The following SPIN3 variants were observed in gnomAD, a reference collection of about 807,000 sequenced individuals.
SPIN3 encodes the protein spindlin-3.
For missense variants in SPIN3, 176 were observed against 196.4 expected, an observed-to-expected ratio of 0.90 and a Z score of 0.62; for synonymous variants, 74 against 74.3, an observed-to-expected ratio of 1.00 and a Z score of 0.02.
intron 2 of SPIN3, among the ~76,000 whole-genome samples, chrX:56,985,059 G>C (rs1405381396): frequency 2.7e-5 from 3 of 111,342 alleles, no homozygotes; most frequent in African/African-American, 9.8e-5. Context: ...TTGTGAGAAA[G>C]TTCTACTTAC....
In SPIN3 at chrX:56,994,076, G is replaced by C; in HGVS notation, c.*95C>G. On this transcript the variant is annotated 3_prime_UTR_variant, in exon 2 of 2. Coordinates refer to ENST00000374919, the MANE Select transcript of SPIN3 (RefSeq NM_001010862.3). Reference sequence around the variant, plus strand: ...TTTTGCCAAGCAAAACGTGCAAAAAGGGAGAAGATGGTTCTTACAAACTGG... The same window carrying C: ...TTTTGCCAAGCAAAACGTGCAAAAACGGAGAAGATGGTTCTTACAAACTGG... 2.1e-6 allele frequency: 2 copies of C among 942,785 alleles called. No individual in the cohort carries two copies. Among genetic ancestry groups the C allele is most frequent in the Non-Finnish European group, 2.8e-6 (2 of 706,444 alleles). The allele number at this position is 942,785 out of a possible 1,213,427, so 77.7% of individuals were successfully genotyped here.
intron 3 of SPIN3, among the ~76,000 whole-genome samples, chrX:56,980,967 CT>C (rs375458963): frequency 3.3e-3 from 325 of 99,330 alleles, no homozygotes; most frequent in African/African-American, 6.4e-3. Flanking sequence ...TAGTTAAAAT[CT>C]TTTTTTTTTT....
chrX:56,987,793 TTAAA>T (rs1924252274), downstream of SPIN3, among the ~76,000 whole-genome samples: 1 of 112,073 alleles, frequency 8.9e-6, no homozygotes, highest in South Asian at 3.7e-4. Flanking sequence ...AAAGAATTAT[TTAAA>T]TAATTTCTTT....
chrX:56,980,951 A>T (rs1924104331), intron 3 of SPIN3, among the ~76,000 whole-genome samples: 1 of 111,359 alleles, frequency 9.0e-6, no homozygotes, highest in African/African-American at 3.3e-5. Flanking sequence ...ATAAAAAGAA[A>T]CATATTAGTT....
At chrX:56,975,805 GAA>G (rs1267722972), downstream of SPIN3, 1 of 111,311 alleles carries the variant, frequency 9.0e-6, no homozygotes, top group Non-Finnish European at 1.9e-5. Flanking sequence ...ATTTCCTGTG[GAA>G]TTGTTCCCCC....
At position 56,992,820 on chromosome X, in the gene SPIN3, T is replaced by C. The variant is rs956490854; in HGVS notation, c.*1351A>G. On this transcript the variant is annotated 3_prime_UTR_variant, in exon 2 of 2. Coordinates refer to ENST00000374919, the MANE Select transcript of SPIN3 (RefSeq NM_001010862.3). ...ACCTCCGCCAATGGCTCTTTAATAA[T>C]GGAAAGCTCAAAGGCCCTTCCATTG... 4.2e-6 allele frequency: 1 copy of C among 239,302 alleles called. No homozygotes were observed. Among genetic ancestry groups the C allele is most frequent in the African/African-American group, 2.8e-5 (1 of 35,108 alleles). The allele number at this position is 239,302 out of a possible 1,213,427, so 19.7% of individuals were successfully genotyped here.
intron 2 of SPIN3, chrX:56,984,614 C>A (rs775186434): frequency 3.8e-5 from 11 of 292,359 alleles, no homozygotes; most frequent in South Asian, 3.2e-4. Flanking sequence ...TCGTTTACCT[C>A]CTACCTCACT....
At chrX:56,979,783 G>C (rs1259237229) in intron 3 of SPIN3, 1 of 111,596 alleles carries the variant, frequency 9.0e-6, no homozygotes, top group Non-Finnish European at 1.9e-5. Flanking sequence ...ATTTTTTCCT[G>C]TATGTTTATA....
At chrX:56,976,970 T>C (rs1311412806) in exon 6 of SPIN3, 2 of 111,999 alleles carry the variant, frequency 1.8e-5, no homozygotes, top group African/African-American at 6.5e-5. Flanking sequence ...AAAACAGCTT[T>C]GAGTGGAGCT....
rs1924366619 is a variant in SPIN3, at chrX:56,992,403, T to G, written c.*1768A>C. 3.4e-6 allele frequency: 1 copy of G among 295,259 alleles called. No individual in the cohort carries two copies. The allele number at this position is 295,259 out of a possible 1,213,427, so 24.3% of individuals were successfully genotyped here. On this transcript the variant is annotated 3_prime_UTR_variant, in exon 2 of 2. Transcript: ENST00000374919. ...ATATATGACCCCAGGACTTAGAACATAGGGCAATACAGACCCACATTGCTG... is the reference window on the plus strand; with the variant it reads ...ATATATGACCCCAGGACTTAGAACAGAGGGCAATACAGACCCACATTGCTG...
intron 5 of SPIN3, chrX:56,977,696 T>C (rs1003959201): frequency 2.7e-5 from 3 of 112,202 alleles, no homozygotes; most frequent in African/African-American, 9.7e-5. Context: ...GGTATGGCCT[T>C]TAACAGGTGA....
chrX:56,978,887 T>C (rs1924058675), intron 3 of SPIN3: 1 of 111,738 alleles, frequency 8.9e-6, no homozygotes, highest in Non-Finnish European at 1.9e-5. Flanking sequence ...ATGTGGAGTC[T>C]TGCAATAAGT....
In SPIN3 at chrX:56,994,916, C is replaced by T. The variant is rs377082003; in HGVS notation, c.32G>A (p.Gly11Glu). 13 of 1,196,715 alleles carry T rather than the reference C, an allele frequency of 1.1e-5. No homozygotes were observed. The highest frequency in any genetic ancestry group is 1.5e-5 in the Non-Finnish European group (13 of 888,964). The stretch of plus-strand genomic sequence containing the variant: ...GCCAGCGCCCGTCCTGGACCGCTGC[C>T]CTGCAGCTGCCTTTCCAAACGGGGT... MKTPFGKAAAGQRSRTGAGHG... is the reference protein window; with the variant it reads MKTPFGKAAAEQRSRTGAGHG... Residue 11 changes from glycine to glutamate, a missense_variant, in exon 2 of 2, where the codon GGG becomes GAG. Transcript: ENST00000374919.
intron 3 of SPIN3, chrX:56,979,859 G>A (rs1438642337): frequency 8.9e-6 from 1 of 111,972 alleles, no homozygotes; most frequent in African/African-American, 3.2e-5. Context: ...CTGATTCTCT[G>A]GACTTGGTCC....
chrX:56,990,394 T>C (rs1924304643), downstream of SPIN3, among the ~76,000 whole-genome samples: 1 of 111,928 alleles, frequency 8.9e-6, no homozygotes, highest in Non-Finnish European at 1.9e-5. Flanking sequence ...TTAAGCCTGT[T>C]TGAAATGGGT....
downstream of SPIN3, chrX:56,975,802 G>C (rs1923994988): frequency 9.0e-6 from 1 of 111,413 alleles, no homozygotes; most frequent in African/African-American, 3.3e-5. Context: ...GCCATTTCCT[G>C]TGGAATTGTT....
chrX:56,975,381 T>TA (rs1923984050), downstream of SPIN3: 1 of 111,879 alleles, frequency 8.9e-6, no homozygotes, highest in African/African-American at 3.2e-5. Context: ...TTATTATCAA[T>TA]AAAATGCGAT....
At chrX:56,981,597 C>T (rs1361590070) in intron 3 of SPIN3, 1 of 111,265 alleles carries the variant, frequency 9.0e-6, no homozygotes, top group Non-Finnish European at 1.9e-5. Context: ...AACTTCAAAT[C>T]CCAAAAACTA....
At position 56,991,815 on chromosome X, in the gene SPIN3, C is replaced by T. The variant is rs1195517056; in HGVS notation, c.*2356G>A. 2 of 198,349 alleles carry T rather than the reference C, an allele frequency of 1.0e-5. No homozygotes were observed. The highest frequency in any genetic ancestry group is 5.9e-5 in the African/African-American group (2 of 34,135). 16.3% of individuals were successfully genotyped at this position (198,349 alleles called of 1,213,427 possible). A position where few individuals can be genotyped will look rare whatever the true frequency, so the allele number is the denominator to read the frequency against. On this transcript the variant is annotated 3_prime_UTR_variant, in exon 2 of 2. Coordinates refer to ENST00000374919, the MANE Select transcript of SPIN3 (RefSeq NM_001010862.3). ...ATTAACTCTAAGGCTACATTACACCCTAGACTGAAAATTTGATCACAATTG... is the reference window on the plus strand; with the variant it reads ...ATTAACTCTAAGGCTACATTACACCTTAGACTGAAAATTTGATCACAATTG...
Sources: gnomAD v4.1 joint callset for allele counts (sites outside exome capture counted in the v4.1 genomes callset) on GRCh38, gnomAD v4.1.1 for gene constraint, MANE v1.5 for transcripts, NCBI Gene and HGNC (gene_info 2026-07-23, HGNC 2026-07-21) for gene names.